ATP2C2: variants seen among roughly 807,000 people sequenced by gnomAD.
ATP2C2 encodes the protein ATPase secretory pathway Ca2+ transporting 2, also known as calcium-transporting ATPase type 2C member 2.
A neutral mutation model predicts 110.8 loss-of-function variants in ATP2C2; 171 were observed. The ratio of observed to expected loss-of-function variants is 1.54; its 90% CI spans 1.36 to 1.75. The LOEUF is 1.75. ATP2C2 is among the 40% of genes most tolerant of loss of function. The pLI is 0.00. For missense variants in ATP2C2, 1,963 were observed against 1,235.0 expected (o/e 1.59, Z -8.84); for synonymous variants, 804 against 508.4 (o/e 1.58, Z -7.82).
In ATP2C2 at chr16:84,459,190, T is replaced by C. The variant is rs1366206618; in HGVS notation, c.2216+2T>C. ...CTTTGTCCGATTCCAGCTGAGCACGTAAGTAGAGGCCAGCATTCCGAGTGT... is the reference window on the plus strand; with the variant it reads ...CTTTGTCCGATTCCAGCTGAGCACGCAAGTAGAGGCCAGCATTCCGAGTGT... On this transcript the variant is annotated splice_donor_variant, in intron 22 of 26. Transcript: ENST00000262429. LOFTEE classifies it high-confidence loss of function. 2 of 1,614,230 alleles carry C rather than the reference T, an allele frequency of 1.2e-6. No individual in the cohort carries two copies. The highest frequency in any genetic ancestry group is 1.7e-6 in the Non-Finnish European group (2 of 1,180,036).
chr16:84,410,151 G>A (rs1906147409), intron 4 of ATP2C2, among the ~76,000 whole-genome samples: 1 of 152,178 alleles, frequency 6.6e-6, no homozygotes, highest in Non-Finnish European at 1.5e-5. Flanking sequence ...GGAGGTTGCA[G>A]TGAGCCAAGA....
In ATP2C2 at chr16:84,446,313, C is replaced by G; in HGVS notation, c.1402-16C>G. On this transcript the variant is annotated splice_polypyrimidine_tract_variant and intron_variant, in intron 15 of 26. Coordinates refer to ENST00000262429, the MANE Select transcript of ATP2C2 (RefSeq NM_014861.4). ...TTCGGATGACTCACTAAAAATGTGTCATTTTATTATGCTAGATGGACTTAA... is the reference window on the plus strand; with the variant it reads ...TTCGGATGACTCACTAAAAATGTGTGATTTTATTATGCTAGATGGACTTAA... The G allele has an allele frequency of 6.7e-7, 1 of 1,490,670 alleles. No homozygotes were observed. Among genetic ancestry groups the G allele is most frequent in the Non-Finnish European group, 9.1e-7 (1 of 1,094,790 alleles). 92.3% of individuals were successfully genotyped at this position (1,490,670 alleles called of 1,614,324 possible).
At chr16:84,459,622 C>G (rs1172140648) in intron 23 of ATP2C2, 3 of 1,520,626 alleles carry the variant, frequency 2.0e-6, no homozygotes, top group East Asian at 2.4e-5. Context: ...CTCCCTCTGC[C>G]TGGATGCTCT....
intron 4 of ATP2C2, among the ~76,000 whole-genome samples, 186 bp downstream of exon 4, chr16:84,408,680 C>G (rs562781651): frequency 6.6e-6 from 1 of 152,090 alleles, no homozygotes; most frequent in Non-Finnish European, 1.5e-5. Flanking sequence ...CTGGTTTATT[C>G]GGCCACTGCT....
intron 1 of ATP2C2, among the ~76,000 whole-genome samples, chr16:84,369,997 C>T (rs1429521421): frequency 6.6e-6 from 1 of 152,200 alleles, no homozygotes; most frequent in Non-Finnish European, 1.5e-5. Context: ...AGTTTATTTG[C>T]CATCACAGGT....
chr16:84,433,870 C>A (rs182254493), intron 11 of ATP2C2, among the ~76,000 whole-genome samples: 83 of 152,292 alleles, frequency 5.5e-4, no homozygotes, highest in African/African-American at 1.9e-3. Flanking sequence ...ATGGTCACTT[C>A]CGGTTTCTTG....
intron 17 of ATP2C2, among the ~76,000 whole-genome samples, chr16:84,449,775 G>A (rs1270806940): frequency 2.0e-5 from 3 of 152,200 alleles, no homozygotes; most frequent in South Asian, 2.1e-4. Context: ...TGGTTGATAC[G>A]ACCAAGCCAT....
At chr16:84,387,161 G>A (rs1904359427) in intron 1 of ATP2C2, among the ~76,000 whole-genome samples, 1 of 152,112 alleles carries the variant, frequency 6.6e-6, no homozygotes. Flanking sequence ...CCACTTCTGA[G>A]CACATTTGGG....
intron 23 of ATP2C2, chr16:84,459,789 G>T: frequency 3.7e-6 from 2 of 545,508 alleles, no homozygotes; most frequent in East Asian, 3.2e-5. Context: ...TTTCCTTATG[G>T]ATCTGATTGT....
chr16:84,411,662 G>A (rs923222062), intron 6 of ATP2C2, among the ~76,000 whole-genome samples: 1 of 152,114 alleles, frequency 6.6e-6, no homozygotes, highest in Non-Finnish European at 1.5e-5. Flanking sequence ...GGCTCGTCTC[G>A]ACCTCCTGAC....
chr16:84,386,826 G>A (rs544258526), intron 1 of ATP2C2, among the ~76,000 whole-genome samples: 30 of 152,268 alleles, frequency 2.0e-4, no homozygotes, highest in Admixed American at 1.3e-3. Context: ...GTCACACAGC[G>A]TAGGTGGGGG....
At chr16:84,375,265 G>A (rs150897999) in intron 1 of ATP2C2, among the ~76,000 whole-genome samples, 28 of 152,268 alleles carry the variant, frequency 1.8e-4, no homozygotes, top group African/African-American at 4.1e-4. Flanking sequence ...AACACGGCCC[G>A]GCGCAGTGGG....
intron 14 of ATP2C2, among the ~76,000 whole-genome samples, chr16:84,441,485 C>T (rs1909253920): frequency 6.6e-6 from 1 of 152,136 alleles, no homozygotes; most frequent in South Asian, 2.1e-4. Flanking sequence ...CTGTACTCAC[C>T]CTTTCACAGG....
Position 84,442,493 on chromosome 16 carries a change from G to A in ATP2C2, c.1312-17G>A, listed in dbSNP as rs373558084. The A allele has an allele frequency of 1.7e-5, 27 of 1,613,184 alleles. No homozygotes were observed. Among genetic ancestry groups the A allele is most frequent in the African/African-American group, 4.0e-5 (3 of 74,900 alleles). On this transcript the variant is annotated splice_polypyrimidine_tract_variant and intron_variant, in intron 14 of 26. Transcript: ENST00000262429. ...AGCCCAGTACTAACTACAGATGTCC[G>A]GACAATCCCCTTTTAGGCGGGCTGT...
chr16:84,443,303 A>G (rs1909440200), intron 15 of ATP2C2, among the ~76,000 whole-genome samples: 1 of 152,188 alleles, frequency 6.6e-6, no homozygotes, highest in East Asian at 1.9e-4. Context: ...GTCTGTTTCC[A>G]TGGCCACTTG....
intron 1 of ATP2C2, among the ~76,000 whole-genome samples, chr16:84,371,488 G>C (rs749133741): frequency 6.6e-6 from 1 of 152,210 alleles, no homozygotes; most frequent in African/African-American, 2.4e-5. Flanking sequence ...CTGGGCAACA[G>C]AGTGAGACCC....
chr16:84,372,294 G>A (rs1567680241), intron 1 of ATP2C2, among the ~76,000 whole-genome samples: 1 of 152,176 alleles, frequency 6.6e-6, no homozygotes, highest in Non-Finnish European at 1.5e-5. Context: ...TCAGTTACTG[G>A]AAAAGAGTAT....
chr16:84,381,288 G>C (rs35099243), intron 1 of ATP2C2, among the ~76,000 whole-genome samples: 23,174 of 152,152 alleles, frequency 0.15, 2,225 homozygotes, highest in South Asian at 0.27. Flanking sequence ...CATCAGTTAA[G>C]GCTATTTTTA....
At chr16:84,438,062 CCTTT>C (rs560262561) in intron 11 of ATP2C2, among the ~76,000 whole-genome samples, 136 of 152,330 alleles carry the variant, frequency 8.9e-4, no homozygotes, top group South Asian at 1.9e-3. Context: ...GTGCCTTGTT[CCTTT>C]CTTTGGCTAA....
Sources: allele counts gnomAD v4.1 joint callset (sites outside exome capture counted in the v4.1 genomes callset), GRCh38; gene constraint gnomAD v4.1.1; transcripts MANE v1.5; gene names NCBI Gene and HGNC (gene_info 2026-07-23, HGNC 2026-07-21).